FCHO1: variants seen among roughly 807,000 people sequenced by gnomAD.
FCHO1 encodes FCH and mu domain containing endocytic adaptor 1.
FCHO1 carries 45 observed loss-of-function variants against 114.4 expected under a neutral mutation model. That is an observed-to-expected ratio of 0.39 (90% confidence interval 0.31 to 0.50). FCHO1 has a LOEUF of 0.50. Among genes scored for constraint, FCHO1 ranks in the 20% least tolerant of loss-of-function variants. The pLI, the probability that FCHO1 is intolerant of heterozygous loss-of-function variation, is 0.77. For synonymous variants in FCHO1, 480 were observed against 488.9 expected (o/e 0.98, Z 0.24); for missense variants, 1,042 against 1,209.6 (o/e 0.86, Z 2.06).
chr19:17,782,336 C>T (rs903035314), intron 23 of FCHO1, among the ~76,000 whole-genome samples: 4 of 152,066 alleles, frequency 2.6e-5, no homozygotes, highest in Non-Finnish European at 5.9e-5. Flanking sequence ...CCGAGTAATT[C>T]TGGGATTACA....
chr19:17,788,150 G>A (rs1240289682), intron 28 of FCHO1, 134 bp from the exon 29 acceptor site: 1 of 775,610 alleles, frequency 1.3e-6, no homozygotes, highest in African/African-American at 1.7e-5. Context: ...GGGGCCCAGT[G>A]GCAACAGGGA....
Position 17,781,830 on chromosome 19 carries a change from G to A in FCHO1, c.1937+10G>A, listed in dbSNP as rs2093437325. ...GTGGCCACAGCCCCAGGTACCCAGTGATGGGCAGACAGGGCCCGTGGGAAG... is the reference window on the plus strand; with the variant it reads ...GTGGCCACAGCCCCAGGTACCCAGTAATGGGCAGACAGGGCCCGTGGGAAG... On this transcript the variant is annotated intron_variant, in intron 23 of 28. Coordinates refer to ENST00000596536, the MANE Select transcript of FCHO1 (RefSeq NM_015122.3). 1 of 1,558,770 alleles carries A rather than the reference G, an allele frequency of 6.4e-7. No individual in the cohort carries two copies. The highest frequency in any genetic ancestry group is 8.7e-7 in the Non-Finnish European group (1 of 1,148,254).
At chr19:17,772,407 T>A in intron 9 of FCHO1, 50 bp from the exon 10 acceptor site, 1 of 1,425,002 alleles carries the variant, frequency 7.0e-7, no homozygotes, top group Middle Eastern at 2.1e-4. Context: ...TATGGCCACT[T>A]CTTCTTGGCC....
chr19:17,785,144 CAGG>C (rs1282375474), intron 26 of FCHO1, among the ~76,000 whole-genome samples: 1 of 152,108 alleles, frequency 6.6e-6, no homozygotes, highest in Admixed American at 6.6e-5. Context: ...CACTTAAGGC[CAGG>C]AGTTTGAGAC....
intron 24 of FCHO1, 113 bp from the exon 25 acceptor site, chr19:17,783,990 C>A: frequency 7.4e-7 from 1 of 1,348,602 alleles, no homozygotes; most frequent in Non-Finnish European, 1.0e-6. Flanking sequence ...TAGGGCTTTG[C>A]TGGGCCCAGG....
At position 17,774,374 on chromosome 19, in the gene FCHO1, GC is replaced by G. The variant is rs754977212; in HGVS notation, c.836-14del. The G allele has an allele frequency of 1.9e-5, 30 of 1,613,248 alleles. No individual in the cohort carries two copies. The highest frequency in any genetic ancestry group is 2.4e-5 in the Non-Finnish European group (28 of 1,179,420). ...GAAAGGAGGCTCACAGTGCTCAGGTGCCCCCCAATCTATCCTCAGCGATGAA... is the reference window on the plus strand; with the variant it reads ...GAAAGGAGGCTCACAGTGCTCAGGTGCCCCCAATCTATCCTCAGCGATGAA... On this transcript the variant is annotated intron_variant, in intron 12 of 28. Transcript: ENST00000596536.
At chr19:17,762,911 C>T in intron 5 of FCHO1, 58 bp downstream of exon 5, 1 of 1,169,722 alleles carries the variant, frequency 8.5e-7, no homozygotes, top group Non-Finnish European at 1.3e-6. Flanking sequence ...TAGTCACGCC[C>T]ACCTAATGGC....
Position 17,788,545 on chromosome 19 carries a change from A to G in FCHO1, c.*239A>G, listed in dbSNP as rs1344524541. ...AATAAACACTTTATTTTCTAATAAA[A>G]TAAAAAAGGAAACCTTTTCCTGCTC... is the stretch of plus-strand genomic sequence containing the variant. On this transcript the variant is annotated 3_prime_UTR_variant, in exon 29 of 29. Transcript: ENST00000596536. The G allele has an allele frequency of 7.6e-6, 4 of 524,384 alleles. No homozygotes were observed. In the African/African-American group the frequency reaches 7.9e-5, roughly 10 times the overall value. The allele number at this position is 524,384 out of a possible 1,614,324, so 32.5% of individuals were successfully genotyped here. A position where few individuals can be genotyped will look rare whatever the true frequency, so the allele number is the denominator to read the frequency against.
At chr19:17,785,483 A>G (rs2098108) in intron 26 of FCHO1, among the ~76,000 whole-genome samples, 23,148 of 151,322 alleles carry the variant, frequency 0.15, 2,029 homozygotes, top group African/African-American at 0.16. Context: ...TCGGCCTCCC[A>G]AAGGACTGCG....
At chr19:17,772,266 A>G (rs190326105) in intron 9 of FCHO1, among the ~76,000 whole-genome samples, 191 bp from the exon 10 acceptor site, 32 of 152,296 alleles carry the variant, frequency 2.1e-4, no homozygotes, top group Admixed American at 1.6e-3. Context: ...CCATCAGCAC[A>G]TTGGCTCAGG....
chr19:17,766,848 G>A (rs2089373113), intron 7 of FCHO1, 38 bp downstream of exon 7: 1 of 1,598,266 alleles, frequency 6.3e-7, no homozygotes, highest in African/African-American at 1.3e-5. Flanking sequence ...CTGGGTGGGT[G>A]TGGAACACCG....
intron 7 of FCHO1, among the ~76,000 whole-genome samples, chr19:17,768,360 G>A (rs1013884598): frequency 2.0e-5 from 3 of 151,244 alleles, no homozygotes; most frequent in Non-Finnish European, 4.4e-5. Context: ...GTGAGCCACC[G>A]CGCCTGGCTT....
At chr19:17,759,075 C>G (rs1010056784) in intron 4 of FCHO1, among the ~76,000 whole-genome samples, 1 of 152,010 alleles carries the variant, frequency 6.6e-6, no homozygotes, top group Non-Finnish European at 1.5e-5. Flanking sequence ...TATGGAAAAC[C>G]CGCCAAATGC....
rs2093712101 is a variant in FCHO1, at chr19:17,784,637, C to T, written c.2227-88C>T. The T allele has an allele frequency of 3.9e-6, 5 of 1,290,736 alleles. No homozygotes were observed. Among genetic ancestry groups the T allele is most frequent in the Non-Finnish European group, 5.6e-6 (5 of 892,944 alleles). The allele number at this position is 1,290,736 out of a possible 1,614,324, so 80.0% of individuals were successfully genotyped here. A position where few individuals can be genotyped will look rare whatever the true frequency, so the allele number is the denominator to read the frequency against. Reference sequence around the variant, plus strand: ...GACCCCCTTGGGGCGGTGCGTGCATCGCAGGGTCAAGGTGGTTGAATAGCG... The same window carrying T: ...GACCCCCTTGGGGCGGTGCGTGCATTGCAGGGTCAAGGTGGTTGAATAGCG... On this transcript the variant is annotated intron_variant, in intron 25 of 28. Transcript: ENST00000596536. This position sits in a 1 kb window ranked among gnomAD's most constrained non-coding sequence, Gnocchi z 5.3.
At chr19:17,748,291 T>G (rs1291957525), upstream of FCHO1, among the ~76,000 whole-genome samples, 1 of 152,004 alleles carries the variant, frequency 6.6e-6, no homozygotes, top group Non-Finnish European at 1.5e-5. Context: ...TGAACCCCTA[T>G]CCAGGCCTGG....
intron 6 of FCHO1, 129 bp from the exon 7 acceptor site, chr19:17,766,540 A>G (rs2089246772): frequency 8.3e-7 from 1 of 1,210,986 alleles, no homozygotes; most frequent in Non-Finnish European, 1.1e-6. Context: ...TGCCATGGAG[A>G]TTATATGAAT....
At position 17,784,658 on chromosome 19, in the gene FCHO1, T is replaced by C; in HGVS notation, c.2227-67T>C. Reference sequence around the variant, plus strand: ...GCATCGCAGGGTCAAGGTGGTTGAATAGCGCATGGTGTGGCAAGACAGGAT... The same window carrying C: ...GCATCGCAGGGTCAAGGTGGTTGAACAGCGCATGGTGTGGCAAGACAGGAT... On this transcript the variant is annotated intron_variant, in intron 25 of 28. Coordinates refer to ENST00000596536, the MANE Select transcript of FCHO1 (RefSeq NM_015122.3). This position sits in a 1 kb window ranked among gnomAD's most constrained non-coding sequence, Gnocchi z 5.3. The C allele has an allele frequency of 1.3e-6, 2 of 1,485,968 alleles. No individual in the cohort carries two copies. Among genetic ancestry groups the C allele is most frequent in the Non-Finnish European group, 1.9e-6 (2 of 1,066,574 alleles). 92.0% of individuals were successfully genotyped at this position (1,485,968 alleles called of 1,614,324 possible).
chr19:17,759,296 C>T (rs1304859339), intron 4 of FCHO1, among the ~76,000 whole-genome samples: 1 of 141,850 alleles, frequency 7.0e-6, no homozygotes, highest in Non-Finnish European at 1.5e-5. Context: ...GATCTCAGCT[C>T]ACTGCAACCT....
In FCHO1 at chr19:17,782,371, A is replaced by T. The variant is rs114671278; in HGVS notation, c.1937+551A>T. On this transcript the variant is annotated intron_variant, in intron 23 of 28. Transcript: ENST00000596536. ...AGGCACATGCCACCACACCCTGCTG[A>T]TTTTGTGTCTTTAGTAGAGACAGGG... Among the ~76,000 whole-genome samples, 1,111 of 151,814 alleles carry T rather than the reference A, an allele frequency of 7.3e-3. 14 individuals are homozygous for T. The highest frequency in any genetic ancestry group is 0.025 in the African/African-American group (1,054 of 41,386).
Sources: allele counts gnomAD v4.1 joint callset (sites outside exome capture counted in the v4.1 genomes callset), GRCh38; gene constraint gnomAD v4.1.1; non-coding constraint Gnocchi (gnomAD v3.1); transcripts MANE v1.5; gene names NCBI Gene and HGNC (gene_info 2026-07-23, HGNC 2026-07-21).